Variants in SPATA13 observed in about 807,000 individuals in gnomAD.
The protein encoded by SPATA13 is spermatogenesis associated 13.
SPATA13 carries 50 observed loss-of-function variants against 104.0 expected under a neutral mutation model. That is an observed-to-expected ratio of 0.48 (90% CI 0.38 to 0.61). The LOEUF (loss-of-function observed/expected upper bound fraction) is 0.61. Ranked by LOEUF, SPATA13 falls within the 20% of genes least tolerant of loss-of-function variation. The pLI is 0.00. For synonymous variants in SPATA13, 606 were observed against 667.5 expected (o/e 0.91, Z 1.42); for missense variants, 1,524 against 1,690.6 (o/e 0.90, Z 1.73).
At chr13:24,260,512 A>G (rs1391549400) in intron 4 of SPATA13, among the ~76,000 whole-genome samples, 1 of 152,202 alleles carries the variant, frequency 6.6e-6, no homozygotes, top group Non-Finnish European at 1.5e-5. Flanking sequence ...TTGCTTTATT[A>G]TGATGATATG....
At chr13:24,287,983 G>T (rs1876082783) in intron 7 of SPATA13, among the ~76,000 whole-genome samples, 1 of 152,206 alleles carries the variant, frequency 6.6e-6, no homozygotes, top group African/African-American at 2.4e-5. Context: ...TCTCTAATCG[G>T]ATTAGCCAGC....
chr13:24,098,619 A>AG (rs1555261419), intron 3 of SPATA13, among the ~76,000 whole-genome samples: 3 of 147,204 alleles, frequency 2.0e-5, no homozygotes, highest in East Asian at 2.0e-4. Context: ...GAAGAAGAAG[A>AG]AAAGAAAGAA....
chr13:24,146,501 A>C (rs756373312), intron 3 of SPATA13, among the ~76,000 whole-genome samples: 2 of 152,228 alleles, frequency 1.3e-5, no homozygotes, highest in African/African-American at 2.4e-5. Flanking sequence ...GCGATACATA[A>C]CTAAGTACTC....
At chr13:24,251,989 G>A (rs1873520050) in intron 4 of SPATA13, 127 bp downstream of exon 4, 1 of 1,182,614 alleles carries the variant, frequency 8.5e-7, no homozygotes, top group Non-Finnish European at 1.2e-6. Flanking sequence ...GTCTGGGAGT[G>A]AGGACGGCTC....
intron 4 of SPATA13, among the ~76,000 whole-genome samples, chr13:24,257,024 A>G (rs1029348646): frequency 6.6e-6 from 1 of 152,222 alleles, no homozygotes; most frequent in Non-Finnish European, 1.5e-5. Flanking sequence ...AACTTACTCC[A>G]TCACAGCCTA....
At chr13:24,199,301 G>C (rs1292930520) in intron 1 of SPATA13, among the ~76,000 whole-genome samples, 2 of 152,132 alleles carry the variant, frequency 1.3e-5, no homozygotes, top group Non-Finnish European at 2.9e-5. Context: ...TGGGAAGCTG[G>C]GAAGACTGAA....
At chr13:23,987,672 A>G (rs1026391939) in intron 2 of SPATA13, among the ~76,000 whole-genome samples, 5 of 152,190 alleles carry the variant, frequency 3.3e-5, no homozygotes, top group Admixed American at 1.3e-4. Context: ...TTAAGTGTGC[A>G]GTTCAGCGGC....
chr13:24,192,604 G>A (rs1294125889), intron 1 of SPATA13, among the ~76,000 whole-genome samples: 1 of 152,154 alleles, frequency 6.6e-6, no homozygotes, highest in Non-Finnish European at 1.5e-5. Context: ...TAATGTGGTA[G>A]GCACTTGAGT....
intron 3 of SPATA13, among the ~76,000 whole-genome samples, chr13:24,073,745 CTT>C (rs1428231340): frequency 2.0e-5 from 3 of 152,244 alleles, no homozygotes; most frequent in African/African-American, 7.2e-5. Flanking sequence ...TTTAAATAAA[CTT>C]CTCTCCTGCT....
chr13:24,267,863 T>A (rs967309613), intron 4 of SPATA13, among the ~76,000 whole-genome samples: 4 of 152,278 alleles, frequency 2.6e-5, no homozygotes, highest in Non-Finnish European at 5.9e-5. Context: ...TCTCCAAGTA[T>A]GTTGTATAGT....
At chr13:24,079,367 G>A (rs929512859) in intron 3 of SPATA13, among the ~76,000 whole-genome samples, 15 of 152,200 alleles carry the variant, frequency 9.9e-5, no homozygotes, top group African/African-American at 3.4e-4. Flanking sequence ...CATGATCCAC[G>A]CTACTCTGAA....
intron 1 of SPATA13, among the ~76,000 whole-genome samples, chr13:24,190,010 T>C (rs191993308): frequency 0.051 from 354 of 6,988 alleles, 91 homozygotes; most frequent in Middle Eastern, 0.5. Flanking sequence ...AATAATATAT[T>C]ATTATATAAC....
chr13:24,183,192 TGAG>T (rs1868922240), intron 1 of SPATA13, among the ~76,000 whole-genome samples: 1 of 152,336 alleles, frequency 6.6e-6, no homozygotes, highest in African/African-American at 2.4e-5. Context: ...GTTTGCATGT[TGAG>T]GTGCATTTGG....
chr13:24,254,376 T>A (rs1387581478), intron 4 of SPATA13: 1 of 152,234 alleles, frequency 6.6e-6, no homozygotes, highest in African/African-American at 2.4e-5. Flanking sequence ...TGGGCCAGCC[T>A]CTCCAAATTA....
chr13:24,243,231 A>G (rs1401873326), intron 2 of SPATA13, among the ~76,000 whole-genome samples: 1 of 152,232 alleles, frequency 6.6e-6, no homozygotes, highest in African/African-American at 2.4e-5. Context: ...GATATGTGAC[A>G]TATGTTACTA....
intron 3 of SPATA13, among the ~76,000 whole-genome samples, chr13:24,154,471 G>A (rs1382070904): frequency 6.6e-6 from 1 of 151,902 alleles, no homozygotes; most frequent in Non-Finnish European, 1.5e-5. Flanking sequence ...AAAAACAGAA[G>A]TAATTTATGG....
At chr13:24,067,493 A>G (rs1566091364) in intron 3 of SPATA13, among the ~76,000 whole-genome samples, 1 of 152,232 alleles carries the variant, frequency 6.6e-6, no homozygotes, top group Non-Finnish European at 1.5e-5. Flanking sequence ...GTATACATCA[A>G]AAATACAAGT....
intron 3 of SPATA13, among the ~76,000 whole-genome samples, chr13:24,068,064 C>T (rs1446678004): frequency 6.6e-6 from 1 of 152,088 alleles, no homozygotes; most frequent in African/African-American, 2.4e-5. Flanking sequence ...GATAGGTAAA[C>T]TTGTATCATG....
At chr13:24,117,696 C>T (rs1022958618) in intron 3 of SPATA13, among the ~76,000 whole-genome samples, 1 of 152,128 alleles carries the variant, frequency 6.6e-6, no homozygotes, top group Non-Finnish European at 1.5e-5. Context: ...AAAAAAACCC[C>T]AAACTCATTC....
Sources: gnomAD v4.1 joint callset for allele counts (sites outside exome capture counted in the v4.1 genomes callset) on GRCh38, gnomAD v4.1.1 for gene constraint, MANE v1.5 for transcripts, NCBI Gene and HGNC (gene_info 2026-07-23, HGNC 2026-07-21) for gene names.